LMO7: variants seen among roughly 807,000 people sequenced by gnomAD.
The protein encoded by LMO7 is LIM domain only protein 7.
LMO7 carries 120 observed loss-of-function variants against 206.5 expected under a neutral mutation model. That is an observed-to-expected ratio of 0.58 (90% CI 0.50 to 0.68). The LOEUF (loss-of-function observed/expected upper bound fraction) is 0.68. LMO7 is among the 30% of genes least tolerant of loss of function. LMO7 has a pLI of 0.00. For synonymous variants in LMO7, 706 were observed against 681.5 expected (o/e 1.04, Z -0.56); for missense variants, 1,959 against 1,957.9 (o/e 1.00, Z -0.01).
intron 1 of LMO7, among the ~76,000 whole-genome samples, chr13:75,649,863 C>A (rs1448689770): frequency 1.3e-5 from 2 of 152,172 alleles, no homozygotes; most frequent in Non-Finnish European, 2.9e-5. Flanking sequence ...TTTAGAAACA[C>A]TTGATCCACT....
At chr13:75,727,781 C>G (rs1191257297) in intron 3 of LMO7, among the ~76,000 whole-genome samples, 1 of 149,062 alleles carries the variant, frequency 6.7e-6, no homozygotes, top group Non-Finnish European at 1.5e-5. Context: ...CCCCCTCCCC[C>G]AACCCCACAA....
At position 75,661,524 on chromosome 13, in the gene LMO7, AAT is replaced by A. The variant is rs559191081; in HGVS notation, c.69+24801_69+24802del. On this transcript the variant is annotated intron_variant, in intron 1 of 30. Coordinates refer to ENST00000377534, the MANE Select transcript of LMO7 (RefSeq NM_001306080.2). ...GCTGTTTCAATTGGAGCAATGAGGG[AAT>A]ATGGTCAGATGTGGACACCAGAAGT... Among the ~76,000 whole-genome samples the A allele has an allele frequency of 4.0e-3, 609 of 152,290 alleles. 9 individuals carry two copies. The highest frequency in any genetic ancestry group is 0.014 in the African/African-American group (582 of 41,554).
intron 1 of LMO7, among the ~76,000 whole-genome samples, chr13:75,669,370 A>AC (rs149592812): frequency 7.4e-4 from 111 of 150,898 alleles, no homozygotes; most frequent in African/African-American, 2.2e-3. Flanking sequence ...CAGAAAAGTG[A>AC]CCCCCCCGCC....
chr13:75,821,886 C>T (rs2057611341), intron 14 of LMO7, among the ~76,000 whole-genome samples: 1 of 151,758 alleles, frequency 6.6e-6, no homozygotes, highest in South Asian at 2.1e-4. Context: ...TTTATAATGT[C>T]TTTTTTTTAG....
At chr13:75,741,777 C>A (rs988773543) in intron 3 of LMO7, among the ~76,000 whole-genome samples, 1 of 152,246 alleles carries the variant, frequency 6.6e-6, no homozygotes, top group African/African-American at 2.4e-5. Context: ...TGACATCATA[C>A]TGAATGGGCA....
At chr13:75,747,002 GCAAA>G (rs935451279) in intron 3 of LMO7, among the ~76,000 whole-genome samples, 7 of 151,968 alleles carry the variant, frequency 4.6e-5, no homozygotes. Flanking sequence ...TGAAAACCTG[GCAAA>G]CATACTTAGT....
intron 9 of LMO7, 146 bp downstream of exon 9, chr13:75,805,906 G>A (rs938551563): frequency 6.2e-6 from 7 of 1,127,388 alleles, no homozygotes; most frequent in Non-Finnish European, 6.3e-6. Flanking sequence ...TAATGGAAAT[G>A]AATTTCTGTT....
chr13:75,657,523 G>A (rs1009464131), intron 1 of LMO7, among the ~76,000 whole-genome samples: 8 of 151,878 alleles, frequency 5.3e-5, no homozygotes, highest in African/African-American at 1.7e-4. Context: ...TGAACAAAAC[G>A]AGAACTCTCA....
intron 2 of LMO7, among the ~76,000 whole-genome samples, chr13:75,721,923 C>T (rs1392773370): frequency 6.6e-6 from 1 of 152,312 alleles, no homozygotes; most frequent in Middle Eastern, 3.4e-3. Context: ...GCCAACTGCT[C>T]TTCCACAAAG....
At chr13:75,634,086 G>A (rs541320075), upstream of LMO7, among the ~76,000 whole-genome samples, 48 of 146,222 alleles carry the variant, frequency 3.3e-4, no homozygotes, top group African/African-American at 9.8e-4. Context: ...TGATCCACCC[G>A]CCTCTGCCTC....
chr13:75,849,529 C>T (rs2060312009), intron 27 of LMO7, among the ~76,000 whole-genome samples: 1 of 147,510 alleles, frequency 6.8e-6, no homozygotes, highest in African/African-American at 2.5e-5. Context: ...GGAACTTTGA[C>T]TCAAGCAGGC....
At chr13:75,746,488 C>A (rs1031295130) in intron 3 of LMO7, among the ~76,000 whole-genome samples, 1 of 152,070 alleles carries the variant, frequency 6.6e-6, no homozygotes, top group Admixed American at 6.6e-5. Flanking sequence ...GAATGGCCTG[C>A]GGGTGGGTTT....
In LMO7 at chr13:75,819,469, T is replaced by C. The variant is rs773205412; in HGVS notation, c.2141T>C (p.Ile714Thr). The change falls in exon 13 of 31, where the codon ATT (isoleucine) becomes ACT (threonine). Residue 714 changes from isoleucine (I) to threonine (T), a missense_variant. Coordinates refer to ENST00000377534, the MANE Select transcript of LMO7 (RefSeq NM_001306080.2). ...AAGAAAAAAGAAGAGAGAGAAGAAA[T>C]TGAAAAGCAGGCACTTGAGAAGTCT... is the stretch of plus-strand genomic sequence containing the variant. Reference protein sequence around the residue: ...LQKKKEEREEIEKQALEKSKR... With the variant: ...LQKKKEEREETEKQALEKSKR... 3 of 1,612,880 alleles carry C rather than the reference T, an allele frequency of 1.9e-6. No homozygotes were observed. The highest frequency in any genetic ancestry group is 1.7e-6 in the Non-Finnish European group (2 of 1,179,700).
chr13:75,711,569 G>T (rs554388621), intron 1 of LMO7, among the ~76,000 whole-genome samples: 97 of 152,290 alleles, frequency 6.4e-4, no homozygotes, highest in African/African-American at 2.2e-3. Flanking sequence ...TGCTTCCTGG[G>T]CGAGACGATG....
At chr13:75,670,435 CAT>C (rs2039458922) in intron 1 of LMO7, among the ~76,000 whole-genome samples, 1 of 152,142 alleles carries the variant, frequency 6.6e-6, no homozygotes. Context: ...CTTACACAAA[CAT>C]AGATGGTGTA....
intron 1 of LMO7, among the ~76,000 whole-genome samples, chr13:75,654,804 A>T (rs902444908): frequency 5.3e-5 from 8 of 151,400 alleles, no homozygotes; most frequent in African/African-American, 1.7e-4. Flanking sequence ...ATGTTTACTT[A>T]TACTTATTTT....
rs2058820591 is a variant in LMO7, at chr13:75,833,176, T to A, written c.3064+11T>A. ...CATCAGTTGAAGCAGGTAAATTATGTGTTTAGCTCTACTGAATTTTCTTCT... is the reference window on the plus strand; with the variant it reads ...CATCAGTTGAAGCAGGTAAATTATGAGTTTAGCTCTACTGAATTTTCTTCT... On this transcript the variant is annotated intron_variant, in intron 16 of 30. Coordinates refer to ENST00000377534, the MANE Select transcript of LMO7 (RefSeq NM_001306080.2). 1.4e-6 allele frequency: 2 copies of A among 1,392,536 alleles called. No homozygotes were observed. Among genetic ancestry groups the A allele is most frequent in the South Asian group, 2.3e-5 (2 of 86,620 alleles). 86.3% of individuals were successfully genotyped at this position (1,392,536 alleles called of 1,614,324 possible). A position where few individuals can be genotyped will look rare whatever the true frequency, so the allele number is the denominator to read the frequency against.
chr13:75,748,804 TTTCTTTCTTTC>T (rs1019974547), intron 3 of LMO7, among the ~76,000 whole-genome samples: 1 of 134,332 alleles, frequency 7.4e-6, no homozygotes, highest in Admixed American at 7.5e-5. Context: ...TTTTTCTTTC[TTTCTTTCTTTC>T]TTTTTTTTTT....
At chr13:75,745,678 C>G (rs924075802) in intron 3 of LMO7, among the ~76,000 whole-genome samples, 1 of 152,170 alleles carries the variant, frequency 6.6e-6, no homozygotes, top group African/African-American at 2.4e-5. Flanking sequence ...GCTCTCCCTA[C>G]TGTGAATGGG....
Sources: gnomAD v4.1 joint callset for allele counts (sites outside exome capture counted in the v4.1 genomes callset) on GRCh38, gnomAD v4.1.1 for gene constraint, MANE v1.5 for transcripts, NCBI Gene and HGNC (gene_info 2026-07-23, HGNC 2026-07-21) for gene names.